Variants in CACNA1H observed in about 807,000 individuals in gnomAD.
CACNA1H encodes the protein calcium voltage-gated channel subunit alpha1 H, also known as voltage-dependent T-type calcium channel subunit alpha-1H.
A neutral mutation model predicts 192.5 loss-of-function variants in CACNA1H; 149 were observed. The observed-to-expected ratio is 0.77, with a 90% CI of 0.68 to 0.89. CACNA1H has a LOEUF of 0.89. Among genes scored for constraint, CACNA1H ranks in the 40% least tolerant of loss-of-function variants. CACNA1H has a pLI of 0.00. For missense variants in CACNA1H, 4,257 were observed against 3,423.5 expected, an observed-to-expected ratio of 1.24 and a Z score of -6.08; for synonymous variants, 2,202 against 1,475.2, an observed-to-expected ratio of 1.49 and a Z score of -11.29.
chr16:1,219,100 C>T lies in CACNA1H; in HGVS notation c.6018C>T (p.Ser2006=), dbSNP rs1033178129. The T allele has an allele frequency of 2.6e-6, 4 of 1,546,490 alleles. No homozygotes were observed. Among genetic ancestry groups the T allele is most frequent in the African/African-American group, 2.7e-5 (2 of 73,114 alleles). ...HALSPRGTAR[S]PSLSRLLCRQ... ...TGTCCCCTCGGGGCACAGCCCGCTC[C>T]CCCAGTCTCAGCCGGCTGCTCTGCA... The change falls in exon 34 of 35, where the codon TCC becomes TCT. Residue 2006 remains serine (S), a synonymous_variant. Transcript: ENST00000348261.
In CACNA1H at chr16:1,213,925, A is replaced by G. The variant is rs760759258; in HGVS notation, c.4923A>G (p.Gln1641=). The G allele has an allele frequency of 7.5e-6, 12 of 1,607,868 alleles. No individual in the cohort carries two copies. The African/African-American group carries it at 1.2e-4, about 16-fold the overall frequency. Residue 1641 remains glutamine, a synonymous_variant, in exon 27 of 35, where the codon CAA becomes CAG. Coordinates refer to ENST00000348261, the MANE Select transcript of CACNA1H (RefSeq NM_021098.3). The part of the protein sequence containing the change: ...VITMSMEHYN[Q]PKSLDEALKY... ...CCATGTCCATGGAGCACTATAACCA[A>G]CCCAAGGTGGGTGCGAGGGGGCCGC...
chr16:1,210,846 G>A lies in CACNA1H; in HGVS notation c.4098G>A (p.Leu1366=), dbSNP rs766069773. The A allele has an allele frequency of 1.2e-6, 2 of 1,605,124 alleles. No homozygotes were observed. Among genetic ancestry groups the A allele is most frequent in the Non-Finnish European group, 1.7e-6 (2 of 1,179,734 alleles). Residue 1366 remains leucine (L), a synonymous_variant, in exon 21 of 35, where the codon CTG becomes CTA. Coordinates refer to ENST00000348261, the MANE Select transcript of CACNA1H (RefSeq NM_021098.3). ...EHAYLQSSWN[L]LDGLLVLVSL... ...CCTACCTGCAGAGCAGCTGGAACCTGCTGGATGGGCTGCTGGTGCTGGTGT... is the reference window on the plus strand; with the variant it reads ...CCTACCTGCAGAGCAGCTGGAACCTACTGGATGGGCTGCTGGTGCTGGTGT...
chr16:1,154,081 G>GA, intron 2 of CACNA1H, 45 bp downstream of exon 2: 1 of 746,426 alleles, frequency 1.3e-6, no homozygotes, highest in Non-Finnish European at 1.9e-6. Flanking sequence ...GGGGCGTGGG[G>GA]AGGGTGGGGG....
rs746877235 is a variant in CACNA1H at position 1,209,197 on chromosome 16, G to C, written c.3529G>C (p.Asp1177His). The C allele has an allele frequency of 6.4e-7, 1 of 1,552,184 alleles. No individual in the cohort carries two copies. The highest frequency in any genetic ancestry group is 2.4e-5 in the East Asian group (1 of 41,076). The change falls in exon 17 of 35, where the codon GAC becomes CAC. Residue 1177 changes from aspartate to histidine, a missense_variant. Asp to His is a moderately conservative substitution (Grantham distance 81, BLOSUM62 -1). Coordinates refer to ENST00000348261, the MANE Select transcript of CACNA1H (RefSeq NM_021098.3). Reference sequence around the variant, plus strand: ...TGGCGAGGGCAAGGGCAGCACCGACGACGAAGCTGAGGACGGCAGGGCCGC... The same window carrying C: ...TGGCGAGGGCAAGGGCAGCACCGACCACGAAGCTGAGGACGGCAGGGCCGC... ...LSGEGKGSTD[D>H]EAEDGRAAPG... is the part of the protein sequence containing the mutation.
rs1269121049 is a variant in CACNA1H, at chr16:1,187,901, C to G, written c.300-7071C>G. On this transcript the variant is annotated intron_variant, in intron 2 of 34. Transcript: ENST00000348261. ...CTGTAGAAACATCTGTCCTGACCTT[C>G]CTTCGGCAAACGTGGAGGTCTTGGT... is the stretch of plus-strand genomic sequence containing the variant. Among the ~76,000 whole-genome samples the G allele has an allele frequency of 2.0e-5, 3 of 152,224 alleles. No individual in the cohort carries two copies. The South Asian group carries it at 6.2e-4, about 32-fold the overall frequency.
At position 1,201,940 on chromosome 16, in the gene CACNA1H, G is replaced by C; in HGVS notation, c.1490G>C (p.Gly497Ala). The change falls in exon 9 of 35, where the codon GGC becomes GCC. Residue 497 changes from glycine to alanine, a missense_variant. Transcript: ENST00000348261. ...RKKVDPSAVQGQGPGHRQRRA... is the reference protein window; with the variant it reads ...RKKVDPSAVQAQGPGHRQRRA... The stretch of plus-strand genomic sequence containing the variant: ...AAGGTGGACCCCAGTGCTGTGCAAG[G>C]CCAGGGTCCCGGGCACCGCCAGCGC... 4.5e-6 allele frequency: 7 copies of C among 1,548,584 alleles called. No homozygotes were observed. Among genetic ancestry groups the C allele is most frequent in the Non-Finnish European group, 6.1e-6 (7 of 1,146,036 alleles).
At chr16:1,177,249 C>T (rs1220104616) in intron 2 of CACNA1H, among the ~76,000 whole-genome samples, 1 of 152,242 alleles carries the variant, frequency 6.6e-6, no homozygotes, top group Non-Finnish European at 1.5e-5. Context: ...TCCCCCAGGC[C>T]TCTCCCAGGG....
Position 1,213,933 on chromosome 16 carries a change from T to TGGGTGCGAGGG in CACNA1H, c.4929+5_4929+15dup, listed in dbSNP as rs767211104. 6.2e-7 allele frequency: 1 copy of TGGGTGCGAGGG among 1,608,968 alleles called. No individual in the cohort carries two copies. Among genetic ancestry groups the TGGGTGCGAGGG allele is most frequent in the African/African-American group, 1.3e-5 (1 of 74,806 alleles). On this transcript the variant is annotated splice_region_variant and intron_variant, in intron 27 of 34. Coordinates refer to ENST00000348261, the MANE Select transcript of CACNA1H (RefSeq NM_021098.3). Reference sequence around the variant, plus strand: ...ATGGAGCACTATAACCAACCCAAGGTGGGTGCGAGGGGGCCGCGAGGGGCC... The same window carrying TGGGTGCGAGGG: ...ATGGAGCACTATAACCAACCCAAGGTGGGTGCGAGGGGGGTGCGAGGGGGCCGCGAGGGGCC...
At chr16:1,171,711 C>G (rs1035470482) in intron 2 of CACNA1H, among the ~76,000 whole-genome samples, 5 of 152,184 alleles carry the variant, frequency 3.3e-5, no homozygotes, top group Non-Finnish European at 7.4e-5. Context: ...CAGAGACCAC[C>G]ACCCTCCCTC....
rs1444046466 is a variant in CACNA1H, at chr16:1,200,587, G to T, written c.1119+16G>T. On this transcript the variant is annotated intron_variant, in intron 7 of 34. Transcript: ENST00000348261. ...CATCTTCCAGGTGGGCGGCAAGATG[G>T]TGGGACGGGGACCCTGGGGCACGGC... The T allele has an allele frequency of 3.1e-6, 5 of 1,610,900 alleles. No individual in the cohort carries two copies. In the East Asian group the frequency reaches 6.7e-5, roughly 22 times the overall value.
At chr16:1,163,902 A>G (rs1239972867) in intron 2 of CACNA1H, among the ~76,000 whole-genome samples, 1 of 152,212 alleles carries the variant, frequency 6.6e-6, no homozygotes, top group African/African-American at 2.4e-5. Context: ...CTCGAAGGCC[A>G]GGTCTGGGGA....
intron 2 of CACNA1H, among the ~76,000 whole-genome samples, chr16:1,165,910 G>GGGCCC (rs1329734583): frequency 6.6e-6 from 1 of 152,124 alleles, no homozygotes; most frequent in African/African-American, 2.4e-5. Context: ...GTGGTGTGTG[G>GGGCCC]GGCCCGGCCC....
In CACNA1H at chr16:1,154,050, C is replaced by G. The variant is rs539924701; in HGVS notation, c.299+14C>G. 1,068 of 909,626 alleles carry G rather than the reference C, an allele frequency of 1.2e-3. 19 individuals are homozygous for G. The African/African-American group carries it at 0.022, about 19-fold the overall frequency. 56.3% of individuals were successfully genotyped at this position (909,626 alleles called of 1,614,324 possible). On this transcript the variant is annotated intron_variant, in intron 2 of 34. Transcript: ENST00000348261. ...GGTCTGCAACCCATATCCTTCCCGG[C>G]CGGCGGGGGGCGGGGGGCGGGGGGC...
At chr16:1,219,564 C>T (rs1258611747) in intron 34 of CACNA1H, among the ~76,000 whole-genome samples, 5 of 152,348 alleles carry the variant, frequency 3.3e-5, no homozygotes, top group African/African-American at 1.2e-4. Flanking sequence ...CCAGCCTTGC[C>T]CACCTGCAGC....
At position 1,198,712 on chromosome 16, in the gene CACNA1H, T is replaced by A; in HGVS notation, c.741T>A (p.Val247=). The A allele has an allele frequency of 6.2e-7, 1 of 1,613,376 alleles. No homozygotes were observed. Among genetic ancestry groups the A allele is most frequent in the East Asian group, 2.2e-5 (1 of 44,882 alleles). ...CFFVFFIFGI[V]GVQLWAGLLR... ...TCGTCTTCTTCATTTTCGGCATCGT[T>A]GGCGTCCAGCTCTGGGCTGGCCTCC... Residue 247 remains valine (V), a synonymous_variant, in exon 6 of 35, where the codon GTT becomes GTA. Transcript: ENST00000348261.
At chr16:1,204,490 CCT>C in intron 10 of CACNA1H, 32 bp downstream of exon 10, 1 of 1,498,408 alleles carries the variant, frequency 6.7e-7, no homozygotes, top group Non-Finnish European at 8.9e-7. Context: ...GGGTGGGCTC[CCT>C]GTCAGGCTTG....
chr16:1,179,774 G>A (rs556131228), intron 2 of CACNA1H, among the ~76,000 whole-genome samples: 75 of 125,666 alleles, frequency 6.0e-4, no homozygotes, highest in Middle Eastern at 5.7e-3. Context: ...TTGCTCTGTC[G>A]CCCAGGTTGG....
chr16:1,212,228 C>T (rs1969534939), intron 25 of CACNA1H, 90 bp downstream of exon 25: 11 of 1,476,248 alleles, frequency 7.5e-6, no homozygotes, highest in South Asian at 1.3e-5. Flanking sequence ...CCCCGGCCTC[C>T]CCGAATGGCT....
rs779875096 is a variant in CACNA1H at position 1,195,912 on chromosome 16, G to C, written c.546-14G>C. Reference sequence around the variant, plus strand: ...GCTCCTTGTTGAGCTGCTCCCCCTCGGCCCCGCCCCCAGCATGATGGAGTA... The same window carrying C: ...GCTCCTTGTTGAGCTGCTCCCCCTCCGCCCCGCCCCCAGCATGATGGAGTA... On this transcript the variant is annotated splice_polypyrimidine_tract_variant and intron_variant, in intron 4 of 34. Coordinates refer to ENST00000348261, the MANE Select transcript of CACNA1H (RefSeq NM_021098.3). 6 of 1,607,696 alleles carry C rather than the reference G, an allele frequency of 3.7e-6. No individual in the cohort carries two copies. Among genetic ancestry groups the C allele is most frequent in the Non-Finnish European group, 4.3e-6 (5 of 1,175,484 alleles).
Sources: allele counts gnomAD v4.1 joint callset (sites outside exome capture counted in the v4.1 genomes callset), GRCh38; gene constraint gnomAD v4.1.1; transcripts MANE v1.5; gene names NCBI Gene and HGNC (gene_info 2026-07-23, HGNC 2026-07-21).